Variants in KCNH7 observed in about 807,000 individuals in gnomAD.
KCNH7 encodes the protein voltage-gated inwardly rectifying potassium channel KCNH7.
A neutral mutation model predicts 120.8 loss-of-function variants in KCNH7; 49 were observed. That is an observed-to-expected ratio of 0.41 (90% confidence interval 0.32 to 0.51). The LOEUF (loss-of-function observed/expected upper bound fraction) is 0.51. KCNH7 is among the 20% of genes least tolerant of loss of function. The probability of loss-of-function intolerance (pLI) is 0.38; values close to 1 mark genes in which losing one functional copy is unlikely to be tolerated. For synonymous variants in KCNH7, 547 were observed against 516.1 expected, an observed-to-expected ratio of 1.06 and a Z score of -0.81; for missense variants, 1,097 against 1,446.6, an observed-to-expected ratio of 0.76 and a Z score of 3.92.
chr2:162,497,636 G>A (rs910083687), intron 6 of KCNH7, among the ~76,000 whole-genome samples: 1 of 152,054 alleles, frequency 6.6e-6, no homozygotes, highest in Admixed American at 6.6e-5. Context: ...CTTCACTTTT[G>A]GAATCAAATT....
chr2:162,742,247 G>A (rs7560710), intron 2 of KCNH7, among the ~76,000 whole-genome samples: 2 of 152,072 alleles, frequency 1.3e-5, no homozygotes, highest in South Asian at 2.1e-4. Context: ...AGAATGACAC[G>A]AAGAGTTGGT....
At chr2:162,622,232 A>G (rs1235451171) in intron 2 of KCNH7, among the ~76,000 whole-genome samples, 1 of 152,206 alleles carries the variant, frequency 6.6e-6, no homozygotes, top group Non-Finnish European at 1.5e-5. Context: ...GCATTCACAT[A>G]AAACATCATG....
chr2:162,584,925 TAAAGCAA>T (rs1693981445), intron 2 of KCNH7, among the ~76,000 whole-genome samples: 1 of 149,344 alleles, frequency 6.7e-6, no homozygotes, highest in Non-Finnish European at 1.5e-5. Flanking sequence ...TTTTAGTCTG[TAAAGCAA>T]GAGCTCTACC....
At chr2:162,631,356 T>A (rs994346101) in intron 2 of KCNH7, among the ~76,000 whole-genome samples, 1 of 152,078 alleles carries the variant, frequency 6.6e-6, no homozygotes, top group Non-Finnish European at 1.5e-5. Context: ...GGGTATTTTT[T>A]GATTAGAGCA....
In KCNH7 at chr2:162,722,813, C is replaced by CTTTTTTTTTTTTTTTTTTT. The variant is rs894023630; in HGVS notation, c.307+113723_307+113724insAAAAAAAAAAAAAAAAAAA. ...AATCCTTTTCATTCATTCTTTTTTT[C>CTTTTTTTTTTTTTTTTTTT]TTTTTTTTTTTTTTTTTTGCTTCTC... On this transcript the variant is annotated intron_variant, in intron 2 of 15. Transcript: ENST00000332142. 7.3e-4 allele frequency among the ~76,000 whole-genome samples: 62 copies of CTTTTTTTTTTTTTTTTTTT among 85,100 alleles called. 5 individuals are homozygous for CTTTTTTTTTTTTTTTTTTT. The highest frequency in any genetic ancestry group is 2.2e-3 in the African/African-American group (36 of 16,540). The allele number at this position is 85,100 out of a possible 152,430, so 55.8% of individuals were successfully genotyped here. A position where few individuals can be genotyped will look rare whatever the true frequency, so the allele number is the denominator to read the frequency against.
At position 162,519,656 on chromosome 2, in the gene KCNH7, C is replaced by T. The variant is rs1164524551; in HGVS notation, c.464-1498G>A. On this transcript the variant is annotated intron_variant, in intron 3 of 15. Transcript: ENST00000332142. ...CCAAACAATAATCTGTAACCCAAAG[C>T]TTCTCTAAGTATGATTTACAAGAAA... 4.0e-5 allele frequency among the ~76,000 whole-genome samples: 6 copies of T among 151,712 alleles called. No individual in the cohort carries two copies. The East Asian group carries it at 1.2e-3, about 30-fold the overall frequency.
intron 8 of KCNH7, among the ~76,000 whole-genome samples, chr2:162,427,523 A>T (rs947301665): frequency 6.6e-6 from 1 of 151,876 alleles, no homozygotes; most frequent in Admixed American, 6.6e-5. Context: ...CTTTTCAAAT[A>T]CTTCACCCAT....
intron 2 of KCNH7, among the ~76,000 whole-genome samples, chr2:162,714,734 G>A (rs776172146): frequency 8.3e-4 from 127 of 152,304 alleles, no homozygotes; most frequent in Non-Finnish European, 1.7e-3. Flanking sequence ...TGTAAACTGA[G>A]GATGGCTGTG....
intron 2 of KCNH7, among the ~76,000 whole-genome samples, chr2:162,682,598 T>C (rs1206586094): frequency 6.6e-6 from 1 of 151,860 alleles, no homozygotes; most frequent in Admixed American, 6.6e-5. Context: ...TATTATAACA[T>C]AAAATACCGA....
chr2:162,441,296 A>G (rs958338371), intron 7 of KCNH7, among the ~76,000 whole-genome samples: 4 of 152,224 alleles, frequency 2.6e-5, no homozygotes, highest in Admixed American at 2.6e-4. Context: ...GATCAAGTTC[A>G]GCTGTCGAAA....
intron 2 of KCNH7, among the ~76,000 whole-genome samples, chr2:162,631,144 G>A (rs1683752258): frequency 6.6e-6 from 1 of 152,030 alleles, no homozygotes; most frequent in South Asian, 2.1e-4. Flanking sequence ...TCATTTATCT[G>A]CAATAACTGC....
At position 162,471,847 on chromosome 2, in the gene KCNH7, G is replaced by C. The variant is rs554386216; in HGVS notation, c.1129-25404C>G. Among the ~76,000 whole-genome samples, 5 of 152,238 alleles carry C rather than the reference G, an allele frequency of 3.3e-5. No individual in the cohort carries two copies. In the East Asian group the frequency reaches 9.7e-4, roughly 29 times the overall value. On this transcript the variant is annotated intron_variant, in intron 6 of 15. Transcript: ENST00000332142. ...ACCTGACTTCAAACTAAACTACAAG[G>C]CTACAGTAACCAAAACAGCATGGTA...
chr2:162,726,820 G>C (rs1687543362), intron 2 of KCNH7, among the ~76,000 whole-genome samples: 1 of 152,062 alleles, frequency 6.6e-6, no homozygotes, highest in South Asian at 2.1e-4. Flanking sequence ...GGCTTTAATA[G>C]TTTCCTTACT....
At chr2:162,748,467 T>TG (rs1688392066) in intron 2 of KCNH7, among the ~76,000 whole-genome samples, 1 of 151,774 alleles carries the variant, frequency 6.6e-6, no homozygotes, top group Non-Finnish European at 1.5e-5. Flanking sequence ...CAATTTTTTT[T>TG]TGTGTGTGTA....
intron 8 of KCNH7, among the ~76,000 whole-genome samples, chr2:162,425,078 T>C (rs906382829): frequency 2.6e-5 from 4 of 152,098 alleles, no homozygotes; most frequent in African/African-American, 7.2e-5. Context: ...TAAAGGAGAA[T>C]GAACTCTGTG....
At chr2:162,794,430 G>A (rs1482544793) in intron 2 of KCNH7, among the ~76,000 whole-genome samples, 1 of 152,002 alleles carries the variant, frequency 6.6e-6, no homozygotes, top group Non-Finnish European at 1.5e-5. Flanking sequence ...CTCCTAAAAA[G>A]AACTCAACTC....
intron 2 of KCNH7, among the ~76,000 whole-genome samples, chr2:162,785,457 C>A (rs1683663847): frequency 6.6e-6 from 1 of 152,140 alleles, no homozygotes; most frequent in Non-Finnish European, 1.5e-5. Context: ...ATCATGACCA[C>A]TTAATATTTT....
At chr2:162,460,572 G>A (rs1268536109) in intron 6 of KCNH7, among the ~76,000 whole-genome samples, 1 of 152,150 alleles carries the variant, frequency 6.6e-6, no homozygotes, top group African/African-American at 2.4e-5. Flanking sequence ...TTGGAGTGAT[G>A]TGTCCACAAG....
At position 162,715,978 on chromosome 2, in the gene KCNH7, G is replaced by GTT. The variant is rs1687107246; in HGVS notation, c.307+120558_307+120559insAA. Among the ~76,000 whole-genome samples the GTT allele has an allele frequency of 4.7e-5, 7 of 150,282 alleles. 1 individual carries two copies. The South Asian group carries it at 1.5e-3, about 31-fold the overall frequency. Reference sequence around the variant, plus strand: ...TGTGTGTGTGTGTGTGTGTGTGTGTGCACACCACACTTCGGAAGGTCCTTT... The same window carrying GTT: ...TGTGTGTGTGTGTGTGTGTGTGTGTGTTCACACCACACTTCGGAAGGTCCTTT... On this transcript the variant is annotated intron_variant, in intron 2 of 15. Coordinates refer to ENST00000332142, the MANE Select transcript of KCNH7 (RefSeq NM_033272.4).
Sources: gnomAD v4.1 joint callset for allele counts (sites outside exome capture counted in the v4.1 genomes callset) on GRCh38, gnomAD v4.1.1 for gene constraint, MANE v1.5 for transcripts, NCBI Gene and HGNC (gene_info 2026-07-23, HGNC 2026-07-21) for gene names.